HCN1: variants seen among roughly 807,000 people sequenced by gnomAD.
HCN1 encodes the protein potassium/sodium hyperpolarization-activated cyclic nucleotide-gated channel 1.
HCN1 carries 13 observed loss-of-function variants against 78.9 expected under a neutral mutation model. The observed-to-expected ratio is 0.16, with a 90% CI of 0.11 to 0.26. The LOEUF (loss-of-function observed/expected upper bound fraction) is 0.26. Ranked by LOEUF, HCN1 falls within the 10% of genes least tolerant of loss-of-function variation. HCN1 has a pLI of 1.00. For missense variants in HCN1, 810 were observed against 1,154.3 expected (o/e 0.70, Z 4.32); for synonymous variants, 552 against 455.5 (o/e 1.21, Z -2.70).
intron 5 of HCN1, among the ~76,000 whole-genome samples, chr5:45,347,814 A>G (rs1746782041): frequency 6.6e-6 from 1 of 152,186 alleles, no homozygotes; most frequent in Non-Finnish European, 1.5e-5. Context: ...AAGTTTAGAG[A>G]AAAAAGAAGA....
chr5:45,415,104 C>G (rs940198381), intron 3 of HCN1, among the ~76,000 whole-genome samples: 1 of 151,968 alleles, frequency 6.6e-6, no homozygotes. Context: ...TTGATTCTGC[C>G]TCTTTTATTT....
At position 45,534,404 on chromosome 5, in the gene HCN1, C is replaced by CAAAAAAA. The variant is rs71000637; in HGVS notation, c.850-72404_850-72398dup. On this transcript the variant is annotated intron_variant, in intron 2 of 7. Coordinates refer to ENST00000303230, the MANE Select transcript of HCN1 (RefSeq NM_021072.4). ...TGGGCAACAGAGTGAGACTGCATCT[C>CAAAAAAA]AAAAAAAAAAAAAAAAAAAAAAAAA... 8.0e-3 allele frequency among the ~76,000 whole-genome samples: 235 copies of CAAAAAAA among 29,312 alleles called. 35 individuals carry two copies. The highest frequency in any genetic ancestry group is 0.05 in the Middle Eastern group (1 of 20). 19.2% of individuals were successfully genotyped at this position (29,312 alleles called of 152,430 possible). A position where few individuals can be genotyped will look rare whatever the true frequency, so the allele number is the denominator to read the frequency against.
intron 1 of HCN1, among the ~76,000 whole-genome samples, chr5:45,693,434 A>G (rs999830281): frequency 1.3e-5 from 2 of 152,066 alleles, no homozygotes; most frequent in African/African-American, 4.8e-5. Flanking sequence ...TGTGCCTGCC[A>G]TTTTCTTTTT....
chr5:45,594,919 T>A (rs929912952), intron 2 of HCN1, among the ~76,000 whole-genome samples: 49 of 152,182 alleles, frequency 3.2e-4, no homozygotes, highest in African/African-American at 1.2e-3. Flanking sequence ...AATTCTGGCC[T>A]GTGGAGTGTT....
chr5:45,287,099 CTG>C (rs968145857), intron 6 of HCN1, among the ~76,000 whole-genome samples: 314 of 147,582 alleles, frequency 2.1e-3, no homozygotes, highest in African/African-American at 7.0e-3. Flanking sequence ...GTGTGTGTGT[CTG>C]TGTGTGTGTG....
chr5:45,414,204 C>T (rs1420943114), intron 3 of HCN1, among the ~76,000 whole-genome samples: 1 of 152,000 alleles, frequency 6.6e-6, no homozygotes, highest in Non-Finnish European at 1.5e-5. Context: ...CATAGTCTTA[C>T]TATTGAGTGA....
At chr5:45,310,424 T>A (rs962457320) in intron 5 of HCN1, among the ~76,000 whole-genome samples, 3 of 152,100 alleles carry the variant, frequency 2.0e-5, no homozygotes, top group African/African-American at 7.2e-5. Flanking sequence ...GAGATCAACA[T>A]CACTGATCAT....
chr5:45,614,936 C>T lies in HCN1; in HGVS notation c.849+30249G>A, dbSNP rs2589182. 7.4e-3 allele frequency among the ~76,000 whole-genome samples: 1,106 copies of T among 148,862 alleles called. 10 individuals carry two copies. The highest frequency in any genetic ancestry group is 0.026 in the African/African-American group (1,059 of 40,392). ...CATTTAGTTGGAAACTGCATATTCA[C>T]AGGTGGAGAGTGGAATATATTTCAA... On this transcript the variant is annotated intron_variant, in intron 2 of 7. Coordinates refer to ENST00000303230, the MANE Select transcript of HCN1 (RefSeq NM_021072.4).
chr5:45,570,862 G>A (rs1015223250), intron 2 of HCN1, among the ~76,000 whole-genome samples: 10 of 151,972 alleles, frequency 6.6e-5, no homozygotes, highest in East Asian at 5.8e-4. Context: ...AACCTGCTGC[G>A]GAATTTAAAA....
At chr5:45,551,478 C>G (rs1743369439) in intron 2 of HCN1, among the ~76,000 whole-genome samples, 1 of 150,850 alleles carries the variant, frequency 6.6e-6, no homozygotes, top group Non-Finnish European at 1.5e-5. Context: ...CTCTCAATGT[C>G]AACAAGGACA....
At chr5:45,416,081 A>T (rs535135179) in intron 3 of HCN1, among the ~76,000 whole-genome samples, 1 of 152,178 alleles carries the variant, frequency 6.6e-6, no homozygotes, top group South Asian at 2.1e-4. Context: ...TGCCTTTAGT[A>T]GTCTGATCAA....
At chr5:45,401,994 C>T (rs1226940287) in intron 3 of HCN1, among the ~76,000 whole-genome samples, 1 of 151,964 alleles carries the variant, frequency 6.6e-6, no homozygotes, top group African/African-American at 2.4e-5. Context: ...ATGGGTCATG[C>T]AGGTAAAAAT....
At chr5:45,520,806 T>C (rs1420991198) in intron 2 of HCN1, among the ~76,000 whole-genome samples, 3 of 151,944 alleles carry the variant, frequency 2.0e-5, no homozygotes, top group Non-Finnish European at 4.4e-5. Flanking sequence ...GGAACTTCTT[T>C]TAGAGATGAA....
At position 45,318,642 on chromosome 5, in the gene HCN1, TTCCCA is replaced by T. The variant is rs201761875; in HGVS notation, c.1378-14808_1378-14804del. ...AAAAAGTATTTGCTTACAGCAGTCC[TTCCCA>T]TTATTTTGCTAAAATATGACAGGAT... On this transcript the variant is annotated intron_variant, in intron 5 of 7. Transcript: ENST00000303230. 6.9e-3 allele frequency among the ~76,000 whole-genome samples: 1,053 copies of T among 151,998 alleles called. 15 individuals are homozygous for T. The highest frequency in any genetic ancestry group is 0.024 in the African/African-American group (1,001 of 41,526).
chr5:45,397,185 C>A (rs1739703183), intron 3 of HCN1, among the ~76,000 whole-genome samples: 1 of 152,052 alleles, frequency 6.6e-6, no homozygotes, highest in Non-Finnish European at 1.5e-5. Flanking sequence ...ATAGTCCTTA[C>A]CACTACAACT....
At chr5:45,579,122 C>T (rs1306781398) in intron 2 of HCN1, among the ~76,000 whole-genome samples, 2 of 151,872 alleles carry the variant, frequency 1.3e-5, no homozygotes, top group Non-Finnish European at 2.9e-5. Flanking sequence ...TAAATATACA[C>T]AGAACTATTG....
intron 3 of HCN1, among the ~76,000 whole-genome samples, chr5:45,400,296 C>A (rs1254861655): frequency 6.6e-6 from 1 of 151,344 alleles, no homozygotes; most frequent in African/African-American, 2.4e-5. Flanking sequence ...CAGAATAATA[C>A]AGCTATGTCT....
At chr5:45,265,639 CAATT>C (rs1268506386) in intron 7 of HCN1, among the ~76,000 whole-genome samples, 9 of 152,156 alleles carry the variant, frequency 5.9e-5, no homozygotes, top group Admixed American at 3.9e-4. Context: ...GCCAACATAA[CAATT>C]TATCAATCTG....
At chr5:45,535,734 CCAT>C (rs200713823) in intron 2 of HCN1, among the ~76,000 whole-genome samples, 4,930 of 152,188 alleles carry the variant, frequency 0.032, 261 homozygotes, top group African/African-American at 0.11. Context: ...AAGGAATTTT[CCAT>C]CATCTTTTCA....
Sources: allele counts gnomAD v4.1 joint callset (sites outside exome capture counted in the v4.1 genomes callset), GRCh38; gene constraint gnomAD v4.1.1; transcripts MANE v1.5; gene names NCBI Gene and HGNC (gene_info 2026-07-23, HGNC 2026-07-21).